The following PAX5 variants were observed in gnomAD, a reference collection of about 807,000 sequenced individuals.
PAX5 encodes paired box protein Pax-5.
A neutral mutation model predicts 43.7 loss-of-function variants in PAX5; 9 were observed. That is an observed-to-expected ratio of 0.21 (90% confidence interval 0.12 to 0.36). The LOEUF (loss-of-function observed/expected upper bound fraction) is 0.36, where lower values mean the gene tolerates loss of function less well. Among genes scored for constraint, PAX5 ranks in the 10% least tolerant of loss-of-function variants. The pLI, the probability that PAX5 is intolerant of heterozygous loss-of-function variation, is 1.00. For synonymous variants in PAX5, 228 were observed against 214.3 expected (o/e 1.06, Z -0.56); for missense variants, 383 against 532.7 (o/e 0.72, Z 2.77).
chr9:36,900,941 C>T (rs1292409682), intron 7 of PAX5, among the ~76,000 whole-genome samples: 2 of 150,976 alleles, frequency 1.3e-5, no homozygotes, highest in African/African-American at 4.9e-5. Context: ...AGGGGAGCAT[C>T]GTTGATGGCC....
Position 36,994,979 on chromosome 9 carries a change from A to G in PAX5, c.604+7669T>C, listed in dbSNP as rs1218070126. On this transcript the variant is annotated intron_variant, in intron 5 of 9. Transcript: ENST00000358127. ...CTTGGTCCTGACTCCTTCCTAGACA[A>G]AAAGAGAACTCAGGTAACAACCCAC... Among the ~76,000 whole-genome samples the G allele has an allele frequency of 2.0e-5, 3 of 152,072 alleles. No homozygotes were observed. The East Asian group carries it at 5.8e-4, about 29-fold the overall frequency.
intron 5 of PAX5, among the ~76,000 whole-genome samples, chr9:36,990,033 G>T (rs368417496): frequency 2.2e-4 from 33 of 152,288 alleles, no homozygotes; most frequent in African/African-American, 7.7e-4. Context: ...CATCTGAGAA[G>T]CCCTCACTTA....
chr9:36,952,317 G>GCAACCT (rs1289885662), intron 6 of PAX5, among the ~76,000 whole-genome samples: 1 of 130,924 alleles, frequency 7.6e-6, no homozygotes, highest in Non-Finnish European at 1.5e-5. Context: ...TCGGCTCACT[G>GCAACCT]CAACCTCCGC....
At chr9:36,906,770 G>C (rs1230929665) in intron 7 of PAX5, among the ~76,000 whole-genome samples, 2 of 152,180 alleles carry the variant, frequency 1.3e-5, no homozygotes, top group African/African-American at 4.8e-5. Context: ...CCGAGCTCCA[G>C]ATTTTCAAAG....
intron 8 of PAX5, among the ~76,000 whole-genome samples, chr9:36,870,035 A>G (rs201920192): frequency 6.2e-4 from 19 of 30,440 alleles, no homozygotes; most frequent in Non-Finnish European, 6.8e-4. Context: ...TGGATGGATA[A>G]ATGGATGGAT....
rs58220286 is a variant in PAX5 at position 36,920,803 on chromosome 9, C to CTTTTTTT, written c.910+2545_910+2551dup. 2.2e-5 allele frequency among the ~76,000 whole-genome samples: 2 copies of CTTTTTTT among 91,226 alleles called. 1 individual carries two copies. The highest frequency in any genetic ancestry group is 4.4e-5 in the Non-Finnish European group (2 of 45,872). 59.8% of individuals were successfully genotyped at this position (91,226 alleles called of 152,430 possible). On this transcript the variant is annotated intron_variant, in intron 7 of 9. Transcript: ENST00000358127. ...CTCAACCTGTATAGTATAGACATAGCTTTTTTTTTTTTTTTTTTTTTTTTT... is the reference window on the plus strand; with the variant it reads ...CTCAACCTGTATAGTATAGACATAGCTTTTTTTTTTTTTTTTTTTTTTTTTTTTTTTT...
At chr9:37,027,811 G>T (rs1564093991) in intron 1 of PAX5, among the ~76,000 whole-genome samples, 1 of 152,260 alleles carries the variant, frequency 6.6e-6, no homozygotes, top group Non-Finnish European at 1.5e-5. Context: ...GCCCTGGCCC[G>T]AAACACCGCC....
At chr9:36,996,907 G>A (rs528863498) in intron 5 of PAX5, among the ~76,000 whole-genome samples, 5 of 152,242 alleles carry the variant, frequency 3.3e-5, no homozygotes, top group African/African-American at 1.2e-4. Context: ...GAGAGAGAGA[G>A]TGTGTGTGTG....
chr9:36,951,453 T>C (rs1170123805), intron 6 of PAX5, among the ~76,000 whole-genome samples: 3 of 152,242 alleles, frequency 2.0e-5, no homozygotes, highest in Non-Finnish European at 4.4e-5. Flanking sequence ...TTGTTCTTGT[T>C]ATCATTAAGC....
chr9:37,011,039 C>T (rs778644124), intron 3 of PAX5, among the ~76,000 whole-genome samples: 4 of 151,250 alleles, frequency 2.6e-5, no homozygotes, highest in Non-Finnish European at 4.4e-5. Context: ...GAAGATCACC[C>T]GAGCCTGGGA....
At chr9:36,987,495 C>T (rs1256587422) in intron 5 of PAX5, among the ~76,000 whole-genome samples, 3 of 152,230 alleles carry the variant, frequency 2.0e-5, no homozygotes, top group African/African-American at 4.8e-5. Flanking sequence ...TTGAAGAAGG[C>T]GTCCTGCTCT....
intron 7 of PAX5, among the ~76,000 whole-genome samples, chr9:36,907,528 C>T (rs987830904): frequency 6.6e-6 from 1 of 152,160 alleles, no homozygotes; most frequent in Non-Finnish European, 1.5e-5. Flanking sequence ...TCTGAAGCCC[C>T]GTGTATCAAA....
rs897201210 is a variant in PAX5 at position 36,915,906 on chromosome 9, T to C, written c.910+7449A>G. Among the ~76,000 whole-genome samples, 3 of 152,078 alleles carry C rather than the reference T, an allele frequency of 2.0e-5. No homozygotes were observed. The South Asian group carries it at 6.2e-4, about 32-fold the overall frequency. On this transcript the variant is annotated intron_variant, in intron 7 of 9. Transcript: ENST00000358127. ...GGGCAACATAGGGAGACCCTGTCTC[T>C]ACAAAAATAAAAAAATTACCAGGAT...
chr9:37,020,522 A>C (rs889725785), intron 2 of PAX5, 114 bp downstream of exon 2: 4 of 1,154,522 alleles, frequency 3.5e-6, no homozygotes, highest in Non-Finnish European at 5.0e-6. Context: ...TCTGCGTGTG[A>C]AACAAAATGC....
At chr9:36,879,778 G>A (rs538177917) in intron 8 of PAX5, among the ~76,000 whole-genome samples, 34 of 152,328 alleles carry the variant, frequency 2.2e-4, no homozygotes, top group Admixed American at 1.6e-3. Context: ...TAAATGCGAC[G>A]GGCCATCCAT....
At chr9:36,944,335 T>C (rs901371556) in intron 6 of PAX5, among the ~76,000 whole-genome samples, 5 of 152,172 alleles carry the variant, frequency 3.3e-5, no homozygotes, top group African/African-American at 7.2e-5. Flanking sequence ...CCCCATTTTT[T>C]AGATGAAGAA....
At chr9:36,998,434 T>C (rs1466976277) in intron 5 of PAX5, among the ~76,000 whole-genome samples, 2 of 152,184 alleles carry the variant, frequency 1.3e-5, no homozygotes, top group African/African-American at 2.4e-5. Context: ...CTGAGGATAG[T>C]AGAGGTCCCT....
chr9:37,033,384 A>T (rs1350674436), intron 1 of PAX5, among the ~76,000 whole-genome samples: 1 of 152,224 alleles, frequency 6.6e-6, no homozygotes, highest in Non-Finnish European at 1.5e-5. Flanking sequence ...TTGACATCCA[A>T]AAATGGAAAG....
chr9:36,913,417 C>T (rs1829465881), intron 7 of PAX5, among the ~76,000 whole-genome samples: 1 of 152,194 alleles, frequency 6.6e-6, no homozygotes, highest in Admixed American at 6.5e-5. Flanking sequence ...TCAGGTGGAC[C>T]CAGCTAAGTC....
Sources: allele counts gnomAD v4.1 joint callset (sites outside exome capture counted in the v4.1 genomes callset), GRCh38; gene constraint gnomAD v4.1.1; transcripts MANE v1.5; gene names NCBI Gene and HGNC (gene_info 2026-07-23, HGNC 2026-07-21).